FAM135A: variants seen among roughly 807,000 people sequenced by gnomAD.
FAM135A encodes family with sequence similarity 135 member A.
Under a neutral mutation model 146.8 loss-of-function variants are expected in FAM135A, and 79 were observed. That is an observed-to-expected ratio of 0.54 (90% CI 0.45 to 0.65). The LOEUF is 0.65. FAM135A is among the 30% of genes least tolerant of loss of function. The pLI, the probability that FAM135A is intolerant of heterozygous loss-of-function variation, is 0.00. For synonymous variants in FAM135A, 562 were observed against 603.6 expected, an observed-to-expected ratio of 0.93 and a Z score of 1.01; for missense variants, 1,623 against 1,758.2, an observed-to-expected ratio of 0.92 and a Z score of 1.38.
chr6:70,540,704 A>G (rs1797764166), intron 20 of FAM135A, among the ~76,000 whole-genome samples: 1 of 152,066 alleles, frequency 6.6e-6, no homozygotes, highest in African/African-American at 2.4e-5. Context: ...GACTTCATGG[A>G]TTACTTTTGT....
chr6:70,436,580 T>C (rs759973674), intron 4 of FAM135A, among the ~76,000 whole-genome samples: 5 of 152,180 alleles, frequency 3.3e-5, no homozygotes, highest in Non-Finnish European at 5.9e-5. Context: ...AAGTTCTGCT[T>C]TTCTGGAAGC....
chr6:70,473,056 G>A (rs1268883910), intron 5 of FAM135A, among the ~76,000 whole-genome samples: 1 of 152,018 alleles, frequency 6.6e-6, no homozygotes, highest in Non-Finnish European at 1.5e-5. Context: ...ATTTATATCA[G>A]TATGGACTTA....
At chr6:70,492,295 TAAAG>T (rs1341960897) in intron 11 of FAM135A, among the ~76,000 whole-genome samples, 1 of 151,758 alleles carries the variant, frequency 6.6e-6, no homozygotes, top group Admixed American at 6.6e-5. Context: ...AATATTGTGG[TAAAG>T]TTAACGTCAT....
At chr6:70,471,613 G>T (rs546427780) in intron 5 of FAM135A, among the ~76,000 whole-genome samples, 4 of 150,950 alleles carry the variant, frequency 2.6e-5, no homozygotes, top group Non-Finnish European at 5.9e-5. Flanking sequence ...ATACCTAGTG[G>T]ATGCTGGGCC....
chr6:70,529,512 C>T (rs916225195), intron 16 of FAM135A, among the ~76,000 whole-genome samples: 2 of 150,160 alleles, frequency 1.3e-5, no homozygotes, highest in Admixed American at 6.6e-5. Flanking sequence ...TCCCTCCAAA[C>T]AATAAAGTCT....
At chr6:70,487,403 A>G (rs80138927) in intron 10 of FAM135A, among the ~76,000 whole-genome samples, 3,231 of 151,984 alleles carry the variant, frequency 0.021, 106 homozygotes, top group African/African-American at 0.074. Flanking sequence ...AACCATCACA[A>G]TTTTTTAAAA....
At chr6:70,477,411 A>T in intron 8 of FAM135A, 79 bp downstream of exon 8, 1 of 1,432,900 alleles carries the variant, frequency 7.0e-7, no homozygotes, top group Non-Finnish European at 9.5e-7. Context: ...CAATTTATAA[A>T]TAAAAGAGGT....
At chr6:70,425,931 G>A (rs1769987986) in intron 2 of FAM135A, among the ~76,000 whole-genome samples, 1 of 151,794 alleles carries the variant, frequency 6.6e-6, no homozygotes, top group African/African-American at 2.4e-5. Flanking sequence ...GTGAAACCCT[G>A]TTTCTACTAA....
At chr6:70,432,640 A>G (rs539500088) in intron 4 of FAM135A, among the ~76,000 whole-genome samples, 1 of 152,172 alleles carries the variant, frequency 6.6e-6, no homozygotes, top group Non-Finnish European at 1.5e-5. Context: ...GTATGAAATA[A>G]GAACAGAAGA....
chr6:70,434,528 C>G (rs1411728607), intron 4 of FAM135A, among the ~76,000 whole-genome samples: 3 of 152,252 alleles, frequency 2.0e-5, no homozygotes, highest in African/African-American at 7.2e-5. Flanking sequence ...AAATAGTGTG[C>G]TTTGCAATAT....
intron 11 of FAM135A, among the ~76,000 whole-genome samples, chr6:70,501,626 G>A (rs1384561519): frequency 6.6e-6 from 1 of 152,224 alleles, no homozygotes; most frequent in Non-Finnish European, 1.5e-5. Flanking sequence ...GGTGGTACAG[G>A]CACATGAGGG....
At chr6:70,494,723 T>C (rs1385720835) in intron 11 of FAM135A, among the ~76,000 whole-genome samples, 1 of 152,184 alleles carries the variant, frequency 6.6e-6, no homozygotes, top group Non-Finnish European at 1.5e-5. Flanking sequence ...AAGTTTTCTC[T>C]TTCAGAACTG....
intron 20 of FAM135A, among the ~76,000 whole-genome samples, chr6:70,552,579 C>G (rs1172348117): frequency 6.7e-6 from 1 of 150,056 alleles, no homozygotes; most frequent in Non-Finnish European, 1.5e-5. Flanking sequence ...AGCGATTTTC[C>G]TGCCTCAGCC....
intron 12 of FAM135A, among the ~76,000 whole-genome samples, chr6:70,520,952 C>T (rs962227966): frequency 6.6e-6 from 1 of 152,218 alleles, no homozygotes; most frequent in Non-Finnish European, 1.5e-5. Context: ...GTTTGGAGCA[C>T]AAGAACTGGA....
intron 5 of FAM135A, among the ~76,000 whole-genome samples, chr6:70,473,414 A>G (rs529053495): frequency 3.3e-5 from 5 of 151,406 alleles, no homozygotes; most frequent in East Asian, 3.9e-4. Flanking sequence ...TACATATGCA[A>G]ATTTACATGT....
At chr6:70,427,844 A>AT (rs1770554830) in intron 3 of FAM135A, among the ~76,000 whole-genome samples, 1 of 152,144 alleles carries the variant, frequency 6.6e-6, no homozygotes, top group Non-Finnish European at 1.5e-5. Context: ...TGATTTAAGA[A>AT]TTTTTTTCTT....
intron 10 of FAM135A, among the ~76,000 whole-genome samples, chr6:70,489,189 G>A (rs944053048): frequency 2.6e-5 from 4 of 152,092 alleles, no homozygotes; most frequent in African/African-American, 4.8e-5. Context: ...TCTGTCACAG[G>A]AAAAGATCAT....
intron 12 of FAM135A, among the ~76,000 whole-genome samples, chr6:70,505,253 A>T (rs565187498): frequency 3.9e-5 from 6 of 152,286 alleles, no homozygotes; most frequent in Admixed American, 3.9e-4. Flanking sequence ...TTTTATATTG[A>T]CACAATATTG....
At chr6:70,519,658 C>A (rs1793095437) in intron 12 of FAM135A, among the ~76,000 whole-genome samples, 3 of 152,212 alleles carry the variant, frequency 2.0e-5, no homozygotes, top group Admixed American at 6.5e-5. Context: ...CTCAGATGAT[C>A]ATTAGCATTT....
Sources: gnomAD v4.1 joint callset for allele counts (sites outside exome capture counted in the v4.1 genomes callset) on GRCh38, gnomAD v4.1.1 for gene constraint, MANE v1.5 for transcripts, NCBI Gene and HGNC (gene_info 2026-07-23, HGNC 2026-07-21) for gene names.